Variants in CNGB3 observed in about 807,000 individuals in gnomAD.
The protein encoded by CNGB3 is cyclic nucleotide gated channel subunit beta 3, also known as cyclic nucleotide-gated channel beta-3.
CNGB3 carries 86 observed loss-of-function variants against 92.8 expected under a neutral mutation model. The ratio of observed to expected loss-of-function variants is 0.93; its 90% confidence interval spans 0.78 to 1.11. The LOEUF (loss-of-function observed/expected upper bound fraction) is 1.11, where lower values mean the gene tolerates loss of function less well. CNGB3 is among the 50% of genes least tolerant of loss of function. The pLI is 0.00. For missense variants in CNGB3, 1,026 were observed against 956.8 expected, an observed-to-expected ratio of 1.07 and a Z score of -0.95; for synonymous variants, 333 against 332.7, an observed-to-expected ratio of 1.00 and a Z score of -0.01.
chr8:86,699,069 T>A (rs1029227399), intron 3 of CNGB3, among the ~76,000 whole-genome samples: 3 of 152,178 alleles, frequency 2.0e-5, no homozygotes, highest in Admixed American at 6.5e-5. Context: ...TTTCTTACAA[T>A]TATTAATCAA....
chr8:86,667,934 A>G (rs929037061), intron 5 of CNGB3, 85 bp downstream of exon 5: 4 of 1,425,064 alleles, frequency 2.8e-6, no homozygotes, highest in Non-Finnish European at 3.0e-6. Flanking sequence ...AGTAAGGAAA[A>G]TAGAAGCTAT....
intron 3 of CNGB3, among the ~76,000 whole-genome samples, chr8:86,681,534 A>C (rs547919824): frequency 1.5e-3 from 231 of 152,318 alleles, no homozygotes; most frequent in African/African-American, 5.2e-3. Context: ...GAGGAAAAAG[A>C]GAAGATAAAT....
chr8:86,725,695 C>T (rs1418572579), intron 3 of CNGB3, among the ~76,000 whole-genome samples: 2 of 152,194 alleles, frequency 1.3e-5, no homozygotes, highest in Admixed American at 1.3e-4. Flanking sequence ...CTTCTACTAA[C>T]AGCAGATGGT....
At chr8:86,615,952 T>C (rs138337146) in intron 13 of CNGB3, among the ~76,000 whole-genome samples, 11 of 152,266 alleles carry the variant, frequency 7.2e-5, no homozygotes, top group African/African-American at 2.4e-4. Context: ...TGTGGAGAAA[T>C]GTGTTTAGCC....
In CNGB3 at chr8:86,667,068, G is replaced by T; in HGVS notation, c.709C>A (p.Pro237Thr). ...TGATATGGGAAGACGAGGCGCAGTG[G>T]TATAAAACAGCAGTTCCAGTTATAG... ...LAYNWNCCFI[P>T]LRLVFPYQTA... Residue 237 changes from proline (P) to threonine (T), a missense_variant, in exon 6 of 18, where the codon CCA becomes ACA. Pro to Thr is a conservative substitution (Grantham distance 38). Coordinates refer to ENST00000320005, the MANE Select transcript of CNGB3 (RefSeq NM_019098.5). 4 of 1,614,078 alleles carry T rather than the reference G, an allele frequency of 2.5e-6. No individual in the cohort carries two copies. The highest frequency in any genetic ancestry group is 3.4e-6 in the Non-Finnish European group (4 of 1,179,996).
intron 2 of CNGB3, among the ~76,000 whole-genome samples, chr8:86,732,128 A>G (rs1282906192): frequency 1.3e-5 from 2 of 152,202 alleles, no homozygotes; most frequent in Non-Finnish European, 2.9e-5. Flanking sequence ...TTAAATTTTT[A>G]GCTTATGAAA....
chr8:86,694,119 C>CG (rs1372020847), intron 3 of CNGB3, among the ~76,000 whole-genome samples: 2 of 98,926 alleles, frequency 2.0e-5, no homozygotes, highest in African/African-American at 7.8e-5. Flanking sequence ...GCTGGCCGGG[C>CG]GGGGGGCTGA....
chr8:86,660,276 G>T (rs1239161193), intron 6 of CNGB3: 3 of 319,928 alleles, frequency 9.4e-6, no homozygotes, highest in Non-Finnish European at 1.9e-5. Flanking sequence ...GCTCTGTAGG[G>T]TTTCTTCAGA....
chr8:86,598,998 T>G (rs138679550), intron 15 of CNGB3, among the ~76,000 whole-genome samples: 295 of 152,196 alleles, frequency 1.9e-3, no homozygotes, highest in African/African-American at 6.8e-3. Flanking sequence ...TACCCCTCAG[T>G]AGGGGTTTAT....
At chr8:86,673,884 A>G (rs1823913621) in intron 3 of CNGB3, among the ~76,000 whole-genome samples, 1 of 152,200 alleles carries the variant, frequency 6.6e-6, no homozygotes, top group Non-Finnish European at 1.5e-5. Context: ...TCAGAAATAC[A>G]GTTCTGACAA....
At chr8:86,688,738 GT>G (rs1225055857) in intron 3 of CNGB3, among the ~76,000 whole-genome samples, 2 of 150,896 alleles carry the variant, frequency 1.3e-5, no homozygotes, top group African/African-American at 2.4e-5. Context: ...TGTTGATTTT[GT>G]TTATCTTTTT....
At chr8:86,600,283 G>A (rs1460619582) in intron 15 of CNGB3, among the ~76,000 whole-genome samples, 1 of 152,042 alleles carries the variant, frequency 6.6e-6, no homozygotes, top group Non-Finnish European at 1.5e-5. Context: ...TAATCACCTG[G>A]TATTGAAGTC....
intron 7 of CNGB3, among the ~76,000 whole-genome samples, chr8:86,651,227 G>C (rs1456033388): frequency 6.6e-6 from 1 of 151,498 alleles, no homozygotes; most frequent in Non-Finnish European, 1.5e-5. Context: ...CTGGTGATGG[G>C]TGCACTGAAA....
intron 6 of CNGB3, among the ~76,000 whole-genome samples, chr8:86,664,612 A>T (rs1197188448): frequency 2.0e-5 from 3 of 152,230 alleles, no homozygotes; most frequent in Admixed American, 6.5e-5. Flanking sequence ...GATTGACAAT[A>T]AACTTCCCTC....
At chr8:86,665,660 C>G (rs953227728) in intron 6 of CNGB3, among the ~76,000 whole-genome samples, 2 of 152,226 alleles carry the variant, frequency 1.3e-5, no homozygotes, top group East Asian at 3.9e-4. Context: ...AAAACAAATA[C>G]AGCATGTTTT....
intron 15 of CNGB3, among the ~76,000 whole-genome samples, chr8:86,588,578 T>G (rs1170552183): frequency 1.3e-5 from 2 of 151,686 alleles, no homozygotes; most frequent in Non-Finnish European, 2.9e-5. Context: ...AGGCCTTTTC[T>G]GCATCTATTG....
In CNGB3 at chr8:86,723,357, A is replaced by G. The variant is rs151235972; in HGVS notation, c.338+3174T>C. Among the ~76,000 whole-genome samples the G allele has an allele frequency of 3.3e-3, 510 of 152,296 alleles. 3 individuals are homozygous for G. Among genetic ancestry groups the G allele is most frequent in the Non-Finnish European group, 5.6e-3 (383 of 68,020 alleles). The stretch of plus-strand genomic sequence containing the variant: ...GCATCTATATTTAGTTCCTGCAATC[A>G]ATCAAATACTTAATTTTTTTCTAGG... On this transcript the variant is annotated intron_variant, in intron 3 of 17. Transcript: ENST00000320005.
chr8:86,733,876 T>C (rs1825200421), intron 2 of CNGB3, among the ~76,000 whole-genome samples: 1 of 152,200 alleles, frequency 6.6e-6, no homozygotes, highest in Non-Finnish European at 1.5e-5. Context: ...TTAATTTATT[T>C]ATGGTTTAAG....
chr8:86,692,135 C>T (rs1253595366), intron 3 of CNGB3, among the ~76,000 whole-genome samples: 4 of 152,080 alleles, frequency 2.6e-5, no homozygotes, highest in Admixed American at 6.6e-5. Flanking sequence ...AGACTTGTTT[C>T]GTATTCTGTC....
Sources: gnomAD v4.1 joint callset for allele counts (sites outside exome capture counted in the v4.1 genomes callset) on GRCh38, gnomAD v4.1.1 for gene constraint, MANE v1.5 for transcripts, NCBI Gene and HGNC (gene_info 2026-07-23, HGNC 2026-07-21) for gene names.